The following TEC variants were observed in gnomAD, a reference collection of about 807,000 sequenced individuals.
The protein encoded by TEC is tec protein tyrosine kinase.
TEC carries 72 observed loss-of-function variants against 93.0 expected under a neutral mutation model. The ratio of observed to expected loss-of-function variants is 0.77; its 90% CI spans 0.64 to 0.94. TEC has a LOEUF of 0.94. Among genes scored for constraint, TEC ranks in the 40% least tolerant of loss-of-function variants. The pLI, the probability that TEC is intolerant of heterozygous loss-of-function variation, is 0.00. For synonymous variants in TEC, 249 were observed against 247.7 expected, an observed-to-expected ratio of 1.01 and a Z score of -0.05; for missense variants, 630 against 757.9, an observed-to-expected ratio of 0.83 and a Z score of 1.98.
At chr4:48,218,682 A>G (rs770296596) in intron 2 of TEC, among the ~76,000 whole-genome samples, 1 of 152,182 alleles carries the variant, frequency 6.6e-6, no homozygotes, top group Non-Finnish European at 1.5e-5. Flanking sequence ...ACATCAGATC[A>G]TCTCAGAACC....
At chr4:48,164,584 G>C (rs1183779772) in intron 7 of TEC, among the ~76,000 whole-genome samples, 1 of 152,028 alleles carries the variant, frequency 6.6e-6, no homozygotes, top group Non-Finnish European at 1.5e-5. Flanking sequence ...TGTGCATACA[G>C]GTAGCTCTGT....
intron 9 of TEC, among the ~76,000 whole-genome samples, chr4:48,155,192 A>G (rs1715737452): frequency 6.6e-6 from 1 of 152,230 alleles, no homozygotes; most frequent in African/African-American, 2.4e-5. Flanking sequence ...TGTCTCCTTT[A>G]TCTATATGTT....
intron 2 of TEC, among the ~76,000 whole-genome samples, chr4:48,184,082 G>C (rs1396026539): frequency 1.3e-5 from 2 of 152,018 alleles, no homozygotes; most frequent in African/African-American, 4.8e-5. Context: ...AACAATTATA[G>C]AACACTTACT....
intron 1 of TEC, among the ~76,000 whole-genome samples, chr4:48,259,514 G>A (rs1331526378): frequency 6.6e-6 from 1 of 152,026 alleles, no homozygotes; most frequent in African/African-American, 2.4e-5. Flanking sequence ...TCAGGAGTTC[G>A]AGACCAGCCT....
chr4:48,205,385 G>T (rs578158743), intron 2 of TEC, among the ~76,000 whole-genome samples: 2 of 152,174 alleles, frequency 1.3e-5, no homozygotes, highest in Non-Finnish European at 2.9e-5. Flanking sequence ...CATCATGCAG[G>T]GGCCGGAGAT....
chr4:48,190,185 G>A (rs774597914), intron 2 of TEC, among the ~76,000 whole-genome samples: 2 of 152,146 alleles, frequency 1.3e-5, no homozygotes, highest in Non-Finnish European at 2.9e-5. Context: ...GAAATGCCAG[G>A]TGAGTATTTA....
intron 11 of TEC, among the ~76,000 whole-genome samples, chr4:48,149,032 C>T (rs922008594): frequency 6.6e-6 from 1 of 152,174 alleles, no homozygotes; most frequent in Non-Finnish European, 1.5e-5. Flanking sequence ...TTCATAGATT[C>T]CATGGTGTAT....
At position 48,225,421 on chromosome 4, in the gene TEC, C is replaced by T. The variant is rs149171254; in HGVS notation, c.138+3056G>A. 3.1e-4 allele frequency among the ~76,000 whole-genome samples: 47 copies of T among 152,314 alleles called. No homozygotes were observed. In the East Asian group the frequency reaches 8.1e-3, roughly 26 times the overall value. On this transcript the variant is annotated intron_variant, in intron 2 of 17. Coordinates refer to ENST00000381501, the MANE Select transcript of TEC (RefSeq NM_003215.3). Reference sequence around the variant, plus strand: ...CAAACTCCTCACCTCAAGTGATCCACCCACCTCAGCTTCCGAAAGTGCTAG... The same window carrying T: ...CAAACTCCTCACCTCAAGTGATCCATCCACCTCAGCTTCCGAAAGTGCTAG...
chr4:48,207,962 A>G (rs1722771770), intron 2 of TEC, among the ~76,000 whole-genome samples: 1 of 152,232 alleles, frequency 6.6e-6, no homozygotes, highest in Admixed American at 6.5e-5. Context: ...ACCATTTGGA[A>G]GAAAGAAGAC....
intron 17 of TEC, 108 bp downstream of exon 17, chr4:48,138,557 T>A (rs1158557833): frequency 1.5e-6 from 2 of 1,300,402 alleles, no homozygotes; most frequent in Non-Finnish European, 2.1e-6. Context: ...GAGCTTGAAA[T>A]CACTATAAAG....
At chr4:48,213,143 T>A (rs1256342658) in intron 2 of TEC, among the ~76,000 whole-genome samples, 1 of 152,206 alleles carries the variant, frequency 6.6e-6, no homozygotes, top group Non-Finnish European at 1.5e-5. Flanking sequence ...ATGTGATTGC[T>A]TGGAATAAAG....
chr4:48,180,756 C>T (rs1251068440), intron 2 of TEC, among the ~76,000 whole-genome samples: 1 of 152,128 alleles, frequency 6.6e-6, no homozygotes, highest in African/African-American at 2.4e-5. Flanking sequence ...TGCTTCTGCA[C>T]CAGCCTTACA....
intron 17 of TEC, 86 bp downstream of exon 17, chr4:48,138,579 C>T (rs998825016): frequency 2.1e-6 from 3 of 1,448,090 alleles, no homozygotes; most frequent in Non-Finnish European, 2.8e-6. Flanking sequence ...TGCACCACCT[C>T]ACTAGGCTAT....
At chr4:48,236,140 T>C (rs1723777165) in intron 1 of TEC, among the ~76,000 whole-genome samples, 1 of 152,146 alleles carries the variant, frequency 6.6e-6, no homozygotes, top group Admixed American at 6.5e-5. Flanking sequence ...CAACAAACTC[T>C]TAATACGAAA....
At chr4:48,237,245 G>A (rs76500069) in intron 1 of TEC, among the ~76,000 whole-genome samples, 2,463 of 151,786 alleles carry the variant, frequency 0.016, 69 homozygotes, top group African/African-American at 0.054. Context: ...GCTTGAACCC[G>A]GGAGGCAGAG....
chr4:48,208,735 G>A (rs1413099851), intron 2 of TEC, among the ~76,000 whole-genome samples: 9 of 152,134 alleles, frequency 5.9e-5, no homozygotes, highest in Admixed American at 3.3e-4. Context: ...GTATCTGTAC[G>A]TTGTCTGCAT....
chr4:48,226,216 G>A (rs2704422), intron 2 of TEC, among the ~76,000 whole-genome samples: 13,808 of 150,544 alleles, frequency 0.092, 2,099 homozygotes, highest in African/African-American at 0.32. Context: ...AAACAATGTC[G>A]GTTTCTGAGA....
intron 1 of TEC, among the ~76,000 whole-genome samples, chr4:48,254,227 T>A (rs1266081076): frequency 6.6e-6 from 1 of 151,510 alleles, no homozygotes; most frequent in Non-Finnish European, 1.5e-5. Flanking sequence ...ACCAGGTGAG[T>A]CAATCAGGGA....
chr4:48,147,236 G>A (rs907372556), intron 11 of TEC, among the ~76,000 whole-genome samples: 11 of 152,170 alleles, frequency 7.2e-5, no homozygotes, highest in Non-Finnish European at 1.6e-4. Flanking sequence ...TAAACACAGA[G>A]TTACCATATG....
Sources: gnomAD v4.1 joint callset for allele counts (sites outside exome capture counted in the v4.1 genomes callset) on GRCh38, gnomAD v4.1.1 for gene constraint, MANE v1.5 for transcripts, NCBI Gene and HGNC (gene_info 2026-07-23, HGNC 2026-07-21) for gene names.